The following METTL16 variants were observed in gnomAD, a reference collection of about 807,000 sequenced individuals.
The protein encoded by METTL16 is methyltransferase 16, RNA N6-adenosine.
Under a neutral mutation model 57.9 loss-of-function variants are expected in METTL16, and 19 were observed. That is an observed-to-expected ratio of 0.33 (90% CI 0.23 to 0.48). The LOEUF (loss-of-function observed/expected upper bound fraction) is 0.48. METTL16 is among the 20% of genes least tolerant of loss of function. METTL16 has a pLI of 0.99. For synonymous variants in METTL16, 246 were observed against 255.6 expected, an observed-to-expected ratio of 0.96 and a Z score of 0.36; for missense variants, 434 against 691.5, an observed-to-expected ratio of 0.63 and a Z score of 4.18.
chr17:2,488,040 A>T (rs1444847172), intron 2 of METTL16, among the ~76,000 whole-genome samples: 1 of 151,998 alleles, frequency 6.6e-6, no homozygotes, highest in Non-Finnish European at 1.5e-5. Flanking sequence ...AATAAAAATC[A>T]TGCAGTACAC....
intron 1 of METTL16, among the ~76,000 whole-genome samples, chr17:2,504,036 C>A (rs142841318): frequency 1.8e-4 from 27 of 152,194 alleles, no homozygotes; most frequent in Admixed American, 1.0e-3. Flanking sequence ...TTATGCAGCC[C>A]TAAGAAGAAA....
At chr17:2,479,793 A>G (rs1246622844) in intron 2 of METTL16, among the ~76,000 whole-genome samples, 1 of 152,252 alleles carries the variant, frequency 6.6e-6, no homozygotes, top group Admixed American at 6.5e-5. Flanking sequence ...ATGTTCTAGT[A>G]TGGAAGTTAG....
At chr17:2,433,883 G>C (rs1319254078) in intron 8 of METTL16, among the ~76,000 whole-genome samples, 2 of 152,136 alleles carry the variant, frequency 1.3e-5, no homozygotes, top group Non-Finnish European at 2.9e-5. Context: ...TCTTTGACTA[G>C]CCCCAGCCTG....
At chr17:2,493,236 G>A (rs62068187) in intron 2 of METTL16, among the ~76,000 whole-genome samples, 96,083 of 149,674 alleles carry the variant, frequency 0.64, 33,232 homozygotes, top group Non-Finnish European at 0.8. Context: ...TTAGAGGTGC[G>A]TGCCACCACG....
chr17:2,490,697 G>A (rs991262421), intron 2 of METTL16, among the ~76,000 whole-genome samples: 2 of 152,134 alleles, frequency 1.3e-5, no homozygotes, highest in Non-Finnish European at 2.9e-5. Context: ...CACAGTGACA[G>A]CAATCACCAA....
chr17:2,476,331 G>C (rs2067268426), intron 3 of METTL16, among the ~76,000 whole-genome samples: 1 of 152,218 alleles, frequency 6.6e-6, no homozygotes. Flanking sequence ...ATGGAGTTGG[G>C]AAATCGTCAT....
rs937962649 is a variant in METTL16, at chr17:2,466,504, C to T, written c.585+1257G>A. On this transcript the variant is annotated intron_variant, in intron 5 of 9. Transcript: ENST00000263092. The stretch of plus-strand genomic sequence containing the variant: ...TGAAATCCCAACTACTGCTGGGTTT[C>T]TCAAATATGTCAGCCAATGAACTTT... Among the ~76,000 whole-genome samples the T allele has an allele frequency of 5.3e-5, 8 of 152,278 alleles. 1 individual carries two copies. The highest frequency in any genetic ancestry group is 1.7e-4 in the African/African-American group (7 of 41,562).
At chr17:2,451,350 G>A (rs985339325) in intron 6 of METTL16, among the ~76,000 whole-genome samples, 19 of 152,120 alleles carry the variant, frequency 1.2e-4, no homozygotes, top group East Asian at 1.9e-4. Flanking sequence ...CGGGCACAGC[G>A]GCTCACGCCT....
chr17:2,472,144 C>T (rs116138215), intron 4 of METTL16, among the ~76,000 whole-genome samples: 1 of 149,604 alleles, frequency 6.7e-6, no homozygotes, highest in Non-Finnish European at 1.5e-5. Flanking sequence ...AAGGCCTGAA[C>T]AGACATCTCA....
At chr17:2,428,716 G>C (rs1296359309) in intron 8 of METTL16, among the ~76,000 whole-genome samples, 1 of 147,634 alleles carries the variant, frequency 6.8e-6, no homozygotes, top group Non-Finnish European at 1.5e-5. Context: ...GGGCAACATA[G>C]TAAGACCCCA....
intron 6 of METTL16, among the ~76,000 whole-genome samples, chr17:2,448,983 C>A (rs1156766163): frequency 6.8e-6 from 1 of 147,552 alleles, no homozygotes; most frequent in Non-Finnish European, 1.5e-5. Context: ...GCCGAGATTG[C>A]GCCACTGCAC....
Position 2,502,315 on chromosome 17 carries a change from GATTTAC to G in METTL16, c.11_16del (p.Ser4_Ser6delinsThr). The G allele has an allele frequency of 1.2e-6, 2 of 1,613,336 alleles. No homozygotes were observed. The highest frequency in any genetic ancestry group is 1.7e-6 in the Non-Finnish European group (2 of 1,179,812). ...CTTGTATCTATTTCTTGCATGCATTGATTTACTCAGAGCCATCTTAAGGAGAGAAAG... is the reference window on the plus strand; with the variant it reads ...CTTGTATCTATTTCTTGCATGCATTGTCAGAGCCATCTTAAGGAGAGAAAG... On this transcript the variant is annotated inframe_deletion, in exon 2 of 10. Transcript: ENST00000263092.
At chr17:2,465,930 C>G (rs1195036389) in intron 5 of METTL16, among the ~76,000 whole-genome samples, 1 of 151,198 alleles carries the variant, frequency 6.6e-6, no homozygotes, top group Admixed American at 6.6e-5. Context: ...TGATGGCTTA[C>G]ACCTGTAATC....
chr17:2,455,262 T>C (rs1421054599), intron 6 of METTL16: 1 of 154,888 alleles, frequency 6.5e-6, no homozygotes, highest in Non-Finnish European at 1.4e-5. Flanking sequence ...CTACTTTTTG[T>C]ATTTTTATAA....
chr17:2,489,062 T>A (rs535736262), intron 2 of METTL16, among the ~76,000 whole-genome samples: 3 of 151,866 alleles, frequency 2.0e-5, no homozygotes, highest in African/African-American at 7.2e-5. Context: ...AAAATCCTAC[T>A]GGCAAAATAA....
intron 2 of METTL16, among the ~76,000 whole-genome samples, chr17:2,478,797 C>A (rs1438030889): frequency 6.6e-6 from 1 of 152,216 alleles, no homozygotes. Flanking sequence ...TGTAACTTGT[C>A]AGTGTTTCAC....
At chr17:2,427,490 G>C (rs1372549025) in intron 8 of METTL16, among the ~76,000 whole-genome samples, 2 of 152,102 alleles carry the variant, frequency 1.3e-5, no homozygotes, top group Non-Finnish European at 2.9e-5. Flanking sequence ...AAGTAAAAAA[G>C]TAGCTATTTT....
intron 2 of METTL16, among the ~76,000 whole-genome samples, chr17:2,491,244 CTTTGTTG>C (rs2151575182): frequency 6.6e-6 from 1 of 152,282 alleles, no homozygotes; most frequent in East Asian, 1.9e-4. Context: ...CATTTTCAGT[CTTTGTTG>C]TTTGTTTAAC....
At chr17:2,508,355 T>C (rs536307772) in intron 1 of METTL16, among the ~76,000 whole-genome samples, 21 of 152,288 alleles carry the variant, frequency 1.4e-4, no homozygotes, top group Non-Finnish European at 2.6e-4. Context: ...ACCATATTTC[T>C]CACTTGAAGG....
Sources: allele counts gnomAD v4.1 joint callset (sites outside exome capture counted in the v4.1 genomes callset), GRCh38; gene constraint gnomAD v4.1.1; transcripts MANE v1.5; gene names NCBI Gene and HGNC (gene_info 2026-07-23, HGNC 2026-07-21).